Variants in TMEM181 observed in about 807,000 individuals in gnomAD.
The protein encoded by TMEM181 is transmembrane protein 181, also known as G protein-coupled receptor 178.
In TMEM181, 39 loss-of-function variants were observed where a neutral mutation model predicts 71.9. That is an observed-to-expected ratio of 0.54 (90% CI 0.42 to 0.71). TMEM181 has a LOEUF of 0.71. TMEM181 is among the 30% of genes least tolerant of loss of function. The probability of loss-of-function intolerance (pLI) is 0.00; values close to 1 mark genes in which losing one functional copy is unlikely to be tolerated. For missense variants in TMEM181, 595 were observed against 583.0 expected, an observed-to-expected ratio of 1.02 and a Z score of -0.21; for synonymous variants, 245 against 228.8, an observed-to-expected ratio of 1.07 and a Z score of -0.64.
At chr6:158,547,267 G>A (rs1781556856) in intron 1 of TMEM181, among the ~76,000 whole-genome samples, 1 of 152,192 alleles carries the variant, frequency 6.6e-6, no homozygotes, top group Non-Finnish European at 1.5e-5. Flanking sequence ...GGGCAACAGA[G>A]TGAGACCCTG....
chr6:158,541,739 C>T lies in TMEM181; in HGVS notation c.131+4874C>T, dbSNP rs545800432. 2.0e-5 allele frequency among the ~76,000 whole-genome samples: 3 copies of T among 152,312 alleles called. No homozygotes were observed. In the South Asian group the frequency reaches 6.2e-4, roughly 32 times the overall value. On this transcript the variant is annotated intron_variant, in intron 1 of 16. Transcript: ENST00000367090. ...AACGTTATTTCCTGACGCATCTGTACTGATTTTGATGTAAGCATATCAGAG... is the reference window on the plus strand; with the variant it reads ...AACGTTATTTCCTGACGCATCTGTATTGATTTTGATGTAAGCATATCAGAG...
intron 5 of TMEM181, among the ~76,000 whole-genome samples, chr6:158,588,664 T>C (rs1381185640): frequency 2.6e-5 from 4 of 152,222 alleles, no homozygotes; most frequent in African/African-American, 4.8e-5. Flanking sequence ...TTGGCCAAGC[T>C]GGTCTTGAAC....
rs542210981 is a variant in TMEM181, at chr6:158,549,647, G to A, written c.131+12782G>A. Among the ~76,000 whole-genome samples, 177 of 152,304 alleles carry A rather than the reference G, an allele frequency of 1.2e-3. 1 individual carries two copies. The highest frequency in any genetic ancestry group is 2.9e-3 in the Admixed American group (45 of 15,294). ...AGGCATTCCACAGTAAGCTCTGTGC[G>A]TAGTCAGGGCGGTAAAGGAAGACAA... On this transcript the variant is annotated intron_variant, in intron 1 of 16. Transcript: ENST00000367090.
intron 1 of TMEM181, chr6:158,572,507 G>A (rs569192347): frequency 1.5e-5 from 7 of 456,354 alleles, no homozygotes; most frequent in African/African-American, 8.0e-5. Flanking sequence ...GGCGGGGGCC[G>A]GCCACACCCC....
At chr6:158,605,153 T>G in intron 6 of TMEM181, 114 bp from the exon 7 acceptor site, 8 of 608,574 alleles carry the variant, frequency 1.3e-5, no homozygotes, top group Admixed American at 2.3e-5. Context: ...TGTGTGTGTG[T>G]GTGTGTATGT....
Position 158,585,256 on chromosome 6 carries a change from G to T in TMEM181, c.260-48G>T, listed in dbSNP as rs768942588. 6 of 1,528,534 alleles carry T rather than the reference G, an allele frequency of 3.9e-6. No homozygotes were observed. In the Middle Eastern group the frequency reaches 5.3e-4, roughly 134 times the overall value. 94.7% of individuals were successfully genotyped at this position (1,528,534 alleles called of 1,614,324 possible). A position where few individuals can be genotyped will look rare whatever the true frequency, so the allele number is the denominator to read the frequency against. ...GAGCCAGGAAGGCACCTTTGTAGGT[G>T]TGATGTGCCTGGCATGGTCTCTAAC... On this transcript the variant is annotated intron_variant, in intron 4 of 16. Transcript: ENST00000684151.
At chr6:158,563,639 C>T (rs1782315136) in intron 1 of TMEM181, among the ~76,000 whole-genome samples, 3 of 152,196 alleles carry the variant, frequency 2.0e-5, no homozygotes, top group Admixed American at 2.0e-4. Flanking sequence ...TTCCCTGTGG[C>T]CTGGGTAGGA....
chr6:158,586,074 G>A (rs759880413), intron 5 of TMEM181, among the ~76,000 whole-genome samples: 39 of 152,200 alleles, frequency 2.6e-4, no homozygotes, highest in Non-Finnish European at 5.0e-4. Flanking sequence ...GTGAAGCCAA[G>A]TACCTGGGCC....
At chr6:158,572,798 C>T (rs561229965) in intron 1 of TMEM181, among the ~76,000 whole-genome samples, 4 of 152,240 alleles carry the variant, frequency 2.6e-5, no homozygotes, top group Non-Finnish European at 5.9e-5. Flanking sequence ...GGCAAGGCAG[C>T]GTCCGTGTTG....
intron 10 of TMEM181, among the ~76,000 whole-genome samples, chr6:158,612,885 C>T (rs968177929): frequency 3.9e-5 from 6 of 152,100 alleles, no homozygotes; most frequent in Non-Finnish European, 5.9e-5. Context: ...AAGCAGTTCC[C>T]GCAAGGGTGG....
rs1270494695 is a variant in TMEM181 at position 158,573,462 on chromosome 6, T to G, written c.51T>G (p.Phe17Leu). The change falls in exon 2 of 17, where the codon TTT (phenylalanine) becomes TTG (leucine). Residue 17 changes from phenylalanine (F) to leucine (L), a missense_variant. Physicochemically the swap from Phe to Leu is conservative, Grantham distance 22. Transcript: ENST00000684151. ...TCTACACGCTCTCCAAGCGCCACTTTGTCCTCGTGTTTGTCGTCTTCTTCA... is the reference window on the plus strand; with the variant it reads ...TCTACACGCTCTCCAAGCGCCACTTGGTCCTCGTGTTTGTCGTCTTCTTCA... Reference protein sequence around the residue: ...MRLYTLSKRHFVLVFVVFFIC... With the variant: ...MRLYTLSKRHLVLVFVVFFIC... 1.2e-6 allele frequency: 2 copies of G among 1,604,382 alleles called. No homozygotes were observed. The highest frequency in any genetic ancestry group is 1.7e-6 in the Non-Finnish European group (2 of 1,175,554).
chr6:158,538,435 G>A (rs528087258), intron 1 of TMEM181, among the ~76,000 whole-genome samples: 6 of 149,934 alleles, frequency 4.0e-5, no homozygotes, highest in Admixed American at 6.6e-5. Flanking sequence ...GATGACAGGC[G>A]TGAGCCACCA....
chr6:158,578,092 A>AG (rs1471090492), intron 2 of TMEM181, among the ~76,000 whole-genome samples: 2 of 152,276 alleles, frequency 1.3e-5, no homozygotes, highest in African/African-American at 4.8e-5. Context: ...CTCCATCTCA[A>AG]AAAAAAGACA....
At chr6:158,560,752 C>T (rs376100166) in intron 1 of TMEM181, among the ~76,000 whole-genome samples, 1 of 152,104 alleles carries the variant, frequency 6.6e-6, no homozygotes, top group East Asian at 1.9e-4. Context: ...CGCAACAGCC[C>T]CTTTGGACTC....
chr6:158,598,153 C>T (rs1283526493), intron 6 of TMEM181, among the ~76,000 whole-genome samples: 1 of 152,240 alleles, frequency 6.6e-6, no homozygotes, highest in African/African-American at 2.4e-5. Context: ...TGACCTTTGA[C>T]ACTACAAAAA....
intron 10 of TMEM181, among the ~76,000 whole-genome samples, chr6:158,614,316 G>C (rs1376455273): frequency 6.6e-6 from 1 of 152,108 alleles, no homozygotes; most frequent in Non-Finnish European, 1.5e-5. Context: ...TTAAGTTTTT[G>C]CTTCGCCAAA....
At chr6:158,576,575 AC>A (rs1370065852) in intron 2 of TMEM181, among the ~76,000 whole-genome samples, 2 of 152,082 alleles carry the variant, frequency 1.3e-5, no homozygotes, top group African/African-American at 2.4e-5. Flanking sequence ...GAAAGTCACC[AC>A]ACCTGCCCAG....
intron 1 of TMEM181, among the ~76,000 whole-genome samples, chr6:158,571,906 C>A (rs974247755): frequency 6.6e-6 from 1 of 152,224 alleles, no homozygotes; most frequent in Non-Finnish European, 1.5e-5. Context: ...TCCTATGGCT[C>A]CTGGGCCTCT....
At chr6:158,536,977 C>A (rs1338935966) in intron 1 of TMEM181, 3 of 785,580 alleles carry the variant, frequency 3.8e-6, no homozygotes, top group East Asian at 8.8e-5. Flanking sequence ...GCCGCCTCCG[C>A]CGGCCGGGCG....
Sources: allele counts gnomAD v4.1 joint callset (sites outside exome capture counted in the v4.1 genomes callset), GRCh38; gene constraint gnomAD v4.1.1; transcripts MANE v1.5; gene names NCBI Gene and HGNC (gene_info 2026-07-23, HGNC 2026-07-21).